The following PCLO variants were observed in gnomAD, a reference collection of about 807,000 sequenced individuals.
PCLO encodes the protein protein piccolo.
In PCLO, 82 loss-of-function variants were observed where a neutral mutation model predicts 427.5. The ratio of observed to expected loss-of-function variants is 0.19; its 90% confidence interval spans 0.16 to 0.23. PCLO has a LOEUF of 0.23. Among genes scored for constraint, PCLO ranks in the 10% least tolerant of loss-of-function variants. The probability of loss-of-function intolerance (pLI) is 1.00; values close to 1 mark genes in which losing one functional copy is unlikely to be tolerated. For synonymous variants in PCLO, 2,357 were observed against 2,155.4 expected, an observed-to-expected ratio of 1.09 and a Z score of -2.59; for missense variants, 6,239 against 6,115.9, an observed-to-expected ratio of 1.02 and a Z score of -0.67.
intron 10 of PCLO, among the ~76,000 whole-genome samples, chr7:82,848,330 T>TTAG (rs1475267045): frequency 7.3e-6 from 1 of 137,876 alleles, no homozygotes; most frequent in African/African-American, 2.9e-5. Flanking sequence ...TTTTTTTTTT[T>TTAG]AAACAGGTCC....
Position 82,953,736 on chromosome 7 carries a change from G to A in PCLO, c.7217C>T (p.Pro2406Leu), listed in dbSNP as rs1239770285. 2 of 1,507,116 alleles carry A rather than the reference G, an allele frequency of 1.3e-6. No individual in the cohort carries two copies. Among genetic ancestry groups the A allele is most frequent in the Non-Finnish European group, 1.8e-6 (2 of 1,113,110 alleles). The allele number at this position is 1,507,116 out of a possible 1,614,324, so 93.4% of individuals were successfully genotyped here. ...SSSLDISAQPPPPPPPPPPPP... is the reference protein window; with the variant it reads ...SSSLDISAQPLPPPPPPPPPP... ...AGGAGGGGGAGGGGGAGGAGGGGGAGGAGGTTGAGCTGATATATCCAAAGA... is the reference window on the plus strand; with the variant it reads ...AGGAGGGGGAGGGGGAGGAGGGGGAAGAGGTTGAGCTGATATATCCAAAGA... The change falls in exon 5 of 25, where the codon CCT (proline) becomes CTT (leucine). Residue 2406 changes from proline (P) to leucine (L), a missense_variant. Physicochemically the swap from Pro to Leu is moderately conservative, Grantham distance 98. Transcript: ENST00000333891.
At position 82,914,639 on chromosome 7, in the gene PCLO, A is replaced by C. The variant is rs772169552; in HGVS notation, c.13300+47T>G. ...GGGAAATTAAACATGCAGAAAAATA[A>C]GAGTTTGAGTTTTGAGAGTAACAGG... On this transcript the variant is annotated intron_variant, in intron 7 of 24. Coordinates refer to ENST00000333891, the MANE Select transcript of PCLO (RefSeq NM_033026.6). 8.2e-6 allele frequency: 13 copies of C among 1,581,320 alleles called. No individual in the cohort carries two copies. The Admixed American group carries it at 1.7e-4, about 21-fold the overall frequency.
chr7:83,161,080 G>C (rs1318237674), intron 1 of PCLO, among the ~76,000 whole-genome samples: 1 of 152,090 alleles, frequency 6.6e-6, no homozygotes, highest in Non-Finnish European at 1.5e-5. Context: ...GTTTTCACTA[G>C]TACTAGTAGT....
chr7:83,152,650 T>A (rs1160400801), intron 2 of PCLO, among the ~76,000 whole-genome samples: 1 of 152,182 alleles, frequency 6.6e-6, no homozygotes, highest in African/African-American at 2.4e-5. Context: ...ATCATTACAC[T>A]CTTTCATGTC....
At chr7:83,071,823 A>G (rs1270396570) in intron 3 of PCLO, among the ~76,000 whole-genome samples, 1 of 152,194 alleles carries the variant, frequency 6.6e-6, no homozygotes, top group Non-Finnish European at 1.5e-5. Flanking sequence ...TTGTTGGAAG[A>G]TGAATGATTA....
At chr7:83,080,252 G>A (rs762793356) in intron 3 of PCLO, among the ~76,000 whole-genome samples, 1 of 152,072 alleles carries the variant, frequency 6.6e-6, no homozygotes, top group Non-Finnish European at 1.5e-5. Flanking sequence ...TGGGATTGCT[G>A]GGTCAAATGG....
At chr7:82,777,341 T>C (rs1477012298) in intron 22 of PCLO, among the ~76,000 whole-genome samples, 1 of 152,164 alleles carries the variant, frequency 6.6e-6, no homozygotes, top group African/African-American at 2.4e-5. Context: ...AAGTAATTTA[T>C]AGATTCAATG....
At chr7:82,762,882 T>C (rs563112591) in intron 22 of PCLO, among the ~76,000 whole-genome samples, 1 of 152,066 alleles carries the variant, frequency 6.6e-6, no homozygotes, top group South Asian at 2.1e-4. Context: ...CCTTAAGCAA[T>C]CCTCCTGCCT....
At chr7:83,095,553 G>T (rs1156887121) in intron 3 of PCLO, among the ~76,000 whole-genome samples, 1 of 151,642 alleles carries the variant, frequency 6.6e-6, no homozygotes, top group Admixed American at 6.6e-5. Flanking sequence ...CTTTTATAAT[G>T]TAGGCACTTA....
chr7:82,928,741 G>A (rs537702529), intron 6 of PCLO, among the ~76,000 whole-genome samples: 3 of 152,224 alleles, frequency 2.0e-5, no homozygotes, highest in South Asian at 2.1e-4. Flanking sequence ...TGGAGCTATC[G>A]AGAAGCTATG....
At chr7:83,043,917 T>TC (rs990068478) in intron 3 of PCLO, among the ~76,000 whole-genome samples, 2 of 61,928 alleles carry the variant, frequency 3.2e-5, no homozygotes, top group Admixed American at 1.5e-4. Flanking sequence ...ATTTTCTTTT[T>TC]TTTTTTTTTT....
chr7:83,057,364 T>A lies in PCLO; in HGVS notation c.3300+76886A>T, dbSNP rs1278539475. On this transcript the variant is annotated intron_variant, in intron 3 of 24. Transcript: ENST00000333891. ...TATATATATATTTTTTTTTTTTTTT[T>A]TTTTTTTTTTTTTTTGAGGCAGAGT... Among the ~76,000 whole-genome samples the A allele has an allele frequency of 2.0e-4, 15 of 73,778 alleles. 1 individual carries two copies. The highest frequency in any genetic ancestry group is 5.6e-4 in the African/African-American group (11 of 19,512). The allele number at this position is 73,778 out of a possible 152,430, so 48.4% of individuals were successfully genotyped here.
At chr7:83,050,138 G>T (rs1789197795) in intron 3 of PCLO, among the ~76,000 whole-genome samples, 1 of 134,976 alleles carries the variant, frequency 7.4e-6, no homozygotes, top group Admixed American at 8.3e-5. Flanking sequence ...GGCAATCTGG[G>T]TCGGAAAGCC....
In PCLO at chr7:83,155,892, T is replaced by C. The variant is rs1318320529; in HGVS notation, c.749A>G (p.Gln250Arg). The C allele has an allele frequency of 6.2e-7, 1 of 1,613,884 alleles. No homozygotes were observed. Among genetic ancestry groups the C allele is most frequent in the Middle Eastern group, 1.6e-4 (1 of 6,062 alleles). ...AATTGGCTTTCCTGTACCTGGAGGTTGTGATTTAATTTTTTCTGGTTGTTG... is the reference window on the plus strand; with the variant it reads ...AATTGGCTTTCCTGTACCTGGAGGTCGTGATTTAATTTTTTCTGGTTGTTG... Reference protein sequence around the residue: ...SSQQPEKIKSQPPGTGKPIQG... With the variant: ...SSQQPEKIKSRPPGTGKPIQG... The change falls in exon 2 of 25, where the codon CAA becomes CGA. Residue 250 changes from glutamine to arginine, a missense_variant. This residue lies in a region of PCLO where 4,677 missense variants were observed against 4,468.4 expected (regional missense o/e 1.05). Transcript: ENST00000333891.
intron 20 of PCLO, among the ~76,000 whole-genome samples, chr7:82,813,822 T>G (rs1791622153): frequency 6.6e-6 from 1 of 151,846 alleles, no homozygotes; most frequent in African/African-American, 2.4e-5. Flanking sequence ...ATTAAATATT[T>G]TGAAACTCAT....
chr7:82,980,009 C>T (rs1796112043), intron 3 of PCLO, among the ~76,000 whole-genome samples: 1 of 152,074 alleles, frequency 6.6e-6, no homozygotes. Flanking sequence ...ACAACCAGGT[C>T]CCAAGCCTCA....
intron 4 of PCLO, among the ~76,000 whole-genome samples, chr7:82,958,501 C>T (rs1003832305): frequency 6.6e-6 from 1 of 151,968 alleles, no homozygotes; most frequent in Non-Finnish European, 1.5e-5. Flanking sequence ...CTTTATTATG[C>T]ATGGTCAATG....
chr7:82,902,483 G>A lies in PCLO; in HGVS notation c.13528+168C>T, dbSNP rs555909436. Among the ~76,000 whole-genome samples the A allele has an allele frequency of 4.0e-5, 6 of 151,848 alleles. No homozygotes were observed. In the South Asian group the frequency reaches 1.2e-3, roughly 32 times the overall value. ...GGAGATATACCTAATGCTAAATGACGAGTTAATGGGTGCAGCACACCAGCA... is the reference window on the plus strand; with the variant it reads ...GGAGATATACCTAATGCTAAATGACAAGTTAATGGGTGCAGCACACCAGCA... On this transcript the variant is annotated intron_variant, in intron 9 of 24. Transcript: ENST00000333891.
At position 83,038,025 on chromosome 7, in the gene PCLO, A is replaced by ATATTTATATT. The variant is rs1554382370; in HGVS notation, c.3301-71539_3301-71538insAATATAAATA. 3.3e-3 allele frequency among the ~76,000 whole-genome samples: 164 copies of ATATTTATATT among 49,088 alleles called. 25 individuals carry two copies. The highest frequency in any genetic ancestry group is 4.4e-3 in the African/African-American group (29 of 6,568). 32.2% of individuals were successfully genotyped at this position (49,088 alleles called of 152,430 possible). On this transcript the variant is annotated intron_variant, in intron 3 of 24. Transcript: ENST00000333891. ...TATATATATATATATATATATATATATATATTTATATATTTATATATATAT... is the reference window on the plus strand; with the variant it reads ...TATATATATATATATATATATATATATATTTATATTTATATTTATATATTTATATATATAT...
Sources: gnomAD v4.1 joint callset for allele counts (sites outside exome capture counted in the v4.1 genomes callset) on GRCh38, gnomAD v4.1.1 for gene constraint, gnomAD v4.1.1 regional missense constraint, MANE v1.5 for transcripts, NCBI Gene and HGNC (gene_info 2026-07-23, HGNC 2026-07-21) for gene names.